NRXN3: variants seen among roughly 807,000 people sequenced by gnomAD.
The protein encoded by NRXN3 is neurexin III.
In NRXN3, 32 loss-of-function variants were observed where a neutral mutation model predicts 137.6. The ratio of observed to expected loss-of-function variants is 0.23; its 90% CI spans 0.18 to 0.31. NRXN3 has a LOEUF of 0.31. Ranked by LOEUF, NRXN3 falls within the 10% of genes least tolerant of loss-of-function variation. The pLI, the probability that NRXN3 is intolerant of heterozygous loss-of-function variation, is 1.00. For missense variants in NRXN3, 1,574 were observed against 2,062.5 expected (o/e 0.76, Z 4.59); for synonymous variants, 798 against 784.5 (o/e 1.02, Z -0.29).
chr14:78,202,068 G>A (rs1479497315), intron 1 of NRXN3, among the ~76,000 whole-genome samples: 1 of 152,136 alleles, frequency 6.6e-6, no homozygotes, highest in Non-Finnish European at 1.5e-5. Context: ...CAGTGGGGAG[G>A]GAGAAACTCC....
intron 3 of NRXN3, among the ~76,000 whole-genome samples, chr14:78,294,555 C>CAAAAAAAA (rs199592742): frequency 4.7e-5 from 5 of 106,454 alleles, no homozygotes; most frequent in Non-Finnish European, 7.3e-5. Flanking sequence ...GATTCCGTCT[C>CAAAAAAAA]AAAAAAAAAA....
At chr14:79,051,692 C>T (rs2099642133) in intron 15 of NRXN3, among the ~76,000 whole-genome samples, 1 of 152,198 alleles carries the variant, frequency 6.6e-6, no homozygotes, top group Admixed American at 6.5e-5. Context: ...CAAGTTAGCC[C>T]TGGTCAGAGG....
At chr14:78,459,323 C>G (rs1036605901) in intron 4 of NRXN3, among the ~76,000 whole-genome samples, 5 of 152,178 alleles carry the variant, frequency 3.3e-5, no homozygotes, top group Non-Finnish European at 7.3e-5. Context: ...TAAGGCCTGC[C>G]TGGCTGTCTA....
At chr14:79,279,771 GCAGTT>G (rs1168574066) in intron 15 of NRXN3, 1 of 988,354 alleles carries the variant, frequency 1.0e-6, no homozygotes, top group African/African-American at 1.7e-5. Flanking sequence ...CTTTTGCCTG[GCAGTT>G]CTGCATTGCA....
chr14:79,094,977 AGAGT>A (rs1327844278), intron 15 of NRXN3, among the ~76,000 whole-genome samples: 1,082 of 99,580 alleles, frequency 0.011, 9 homozygotes, highest in East Asian at 0.063. Context: ...AGAGAGAGAG[AGAGT>A]GTGTGTGTGT....
At chr14:78,196,828 G>T (rs2061273528) in intron 1 of NRXN3, among the ~76,000 whole-genome samples, 1 of 152,208 alleles carries the variant, frequency 6.6e-6, no homozygotes, top group South Asian at 2.1e-4. Flanking sequence ...GATGTGCTTT[G>T]ACCTGACGGA....
intron 3 of NRXN3, chr14:78,283,093 C>T (rs2074635006): frequency 6.6e-6 from 1 of 152,222 alleles, no homozygotes; most frequent in South Asian, 2.1e-4. Context: ...GTCTTCCTCT[C>T]TTGTGCTGGG....
intron 17 of NRXN3, among the ~76,000 whole-genome samples, chr14:79,665,161 G>C (rs1326314155): frequency 2.0e-5 from 3 of 152,136 alleles, no homozygotes; most frequent in Non-Finnish European, 4.4e-5. Context: ...TATCTGCGCT[G>C]TTGGGTTGTT....
intron 15 of NRXN3, among the ~76,000 whole-genome samples, chr14:79,380,260 A>C (rs2094431863): frequency 6.7e-6 from 1 of 149,800 alleles, no homozygotes; most frequent in Non-Finnish European, 1.5e-5. Flanking sequence ...GGTTAGTTAC[A>C]TATGTATACA....
At chr14:78,929,826 T>G (rs2099316685) in intron 10 of NRXN3, among the ~76,000 whole-genome samples, 1 of 152,192 alleles carries the variant, frequency 6.6e-6, no homozygotes, top group African/African-American at 2.4e-5. Context: ...GACCATTATT[T>G]ACAGTTTTTA....
intron 4 of NRXN3, among the ~76,000 whole-genome samples, chr14:78,637,136 C>G (rs2097574318): frequency 6.6e-6 from 1 of 152,156 alleles, no homozygotes; most frequent in Non-Finnish European, 1.5e-5. Context: ...ATTCCCCATC[C>G]CCAGTGCTCA....
At chr14:79,830,882 G>T (rs1376983804) in intron 20 of NRXN3, among the ~76,000 whole-genome samples, 1 of 152,034 alleles carries the variant, frequency 6.6e-6, no homozygotes, top group Non-Finnish European at 1.5e-5. Flanking sequence ...GTTAATAGCT[G>T]TAAGTCAGCT....
intron 2 of NRXN3, among the ~76,000 whole-genome samples, chr14:78,247,696 T>C (rs1346294063): frequency 6.6e-6 from 1 of 152,230 alleles, no homozygotes; most frequent in Non-Finnish European, 1.5e-5. Context: ...ATGGGCAGCC[T>C]TGAAGCTCAG....
At chr14:79,019,841 T>C (rs2099585715) in intron 15 of NRXN3, among the ~76,000 whole-genome samples, 1 of 151,856 alleles carries the variant, frequency 6.6e-6, no homozygotes, top group East Asian at 1.9e-4. Flanking sequence ...ATGCCCTGAG[T>C]AATCCAATGA....
intron 15 of NRXN3, among the ~76,000 whole-genome samples, chr14:79,180,775 C>T (rs1242959376): frequency 6.6e-6 from 1 of 151,998 alleles, no homozygotes; most frequent in Non-Finnish European, 1.5e-5. Flanking sequence ...AAATATTTAG[C>T]CATGTACGGT....
intron 15 of NRXN3, among the ~76,000 whole-genome samples, chr14:79,115,101 G>A (rs1381973464): frequency 2.0e-5 from 3 of 152,032 alleles, no homozygotes; most frequent in Admixed American, 2.0e-4. Context: ...CACAGAGGGC[G>A]AATCACCTGA....
intron 4 of NRXN3, among the ~76,000 whole-genome samples, chr14:78,428,289 C>T (rs2093738157): frequency 6.6e-6 from 1 of 152,096 alleles, no homozygotes; most frequent in Non-Finnish European, 1.5e-5. Flanking sequence ...TGATGCTAGA[C>T]ATTTTGTCTC....
intron 15 of NRXN3, among the ~76,000 whole-genome samples, chr14:79,114,407 C>G (rs1388103526): frequency 6.6e-6 from 1 of 152,052 alleles, no homozygotes; most frequent in Non-Finnish European, 1.5e-5. Flanking sequence ...GTCACCTAGG[C>G]TAGAGTGCAG....
chr14:79,811,673 G>C (rs1449853135), intron 20 of NRXN3, among the ~76,000 whole-genome samples: 1 of 144,764 alleles, frequency 6.9e-6, no homozygotes, highest in Non-Finnish European at 1.5e-5. Context: ...GCTCCGCCTC[G>C]TGGGTTCACG....
Sources: allele counts gnomAD v4.1 joint callset (sites outside exome capture counted in the v4.1 genomes callset), GRCh38; gene constraint gnomAD v4.1.1; transcripts MANE v1.5; gene names NCBI Gene and HGNC (gene_info 2026-07-23, HGNC 2026-07-21).